ANK2: variants seen among roughly 807,000 people sequenced by gnomAD.
ANK2 encodes the protein ankyrin 2.
Under a neutral mutation model 360.5 loss-of-function variants are expected in ANK2, and 83 were observed. That is an observed-to-expected ratio of 0.23 (90% confidence interval 0.19 to 0.28). The LOEUF (loss-of-function observed/expected upper bound fraction) is 0.28, where lower values mean the gene tolerates loss of function less well. ANK2 is among the 10% of genes least tolerant of loss of function. The pLI is 1.00. For missense variants in ANK2, 4,201 were observed against 4,795.7 expected (o/e 0.88, Z 3.66); for synonymous variants, 1,740 against 1,759.5 (o/e 0.99, Z 0.28).
intron 1 of ANK2, among the ~76,000 whole-genome samples, chr4:113,146,660 C>A (rs2096847578): frequency 6.8e-6 from 1 of 146,606 alleles, no homozygotes. Flanking sequence ...AAAATGGGTA[C>A]AAAGGCTTAT....
At chr4:113,239,344 ACAAAGCCAC>A (rs2099407301) in intron 7 of ANK2, among the ~76,000 whole-genome samples, 1 of 152,150 alleles carries the variant, frequency 6.6e-6, no homozygotes, top group African/African-American at 2.4e-5. Context: ...TGTTTTTAAA[ACAAAGCCAC>A]CAAAGCCTAT....
the ANK2 span, among the ~76,000 whole-genome samples, chr4:112,719,980 A>C: frequency 6.6e-6 from 1 of 152,156 alleles, no homozygotes; most frequent in Non-Finnish European, 1.5e-5. Flanking sequence ...GTGGCAGGAT[A>C]TGAGACTGGT....
intron 1 of ANK2, among the ~76,000 whole-genome samples, chr4:113,065,837 A>C (rs1483739317): frequency 6.6e-6 from 1 of 152,182 alleles, no homozygotes; most frequent in African/African-American, 2.4e-5. Context: ...CCCAATATTT[A>C]CTAATCAATT....
chr4:113,366,562 C>T (rs1308837608), intron 41 of ANK2, among the ~76,000 whole-genome samples: 1 of 151,166 alleles, frequency 6.6e-6, no homozygotes, highest in Non-Finnish European at 1.5e-5. Context: ...CGCCTGGCCT[C>T]CTTGCCATTT....
intron 26 of ANK2, among the ~76,000 whole-genome samples, chr4:113,328,113 C>T (rs1256737375): frequency 6.6e-6 from 1 of 152,152 alleles, no homozygotes; most frequent in Non-Finnish European, 1.5e-5. Context: ...GAGGTTATAG[C>T]ACACAACATG....
the ANK2 span, chr4:112,787,944 G>C: frequency 1.6e-6 from 1 of 607,922 alleles, no homozygotes; most frequent in East Asian, 2.8e-5. Context: ...CATCCTCCAT[G>C]TATGATCATT....
chr4:113,249,933 T>A, intron 10 of ANK2, 71 bp downstream of exon 10: 1 of 1,397,350 alleles, frequency 7.2e-7, no homozygotes, highest in Non-Finnish European at 1.0e-6. Flanking sequence ...TCTATTCTTT[T>A]TTAAATTGAA....
the ANK2 span, among the ~76,000 whole-genome samples, chr4:112,799,348 G>T: frequency 5.9e-3 from 897 of 152,190 alleles, 2 homozygotes; most frequent in Middle Eastern, 0.014. Context: ...TAAATGGAAT[G>T]GCTGGATCAT....
chr4:112,768,863 G>A, the ANK2 span, among the ~76,000 whole-genome samples: 2 of 152,020 alleles, frequency 1.3e-5, no homozygotes, highest in African/African-American at 2.4e-5. Flanking sequence ...CTTTCTTTAT[G>A]TACATGACCT....
intron 1 of ANK2, among the ~76,000 whole-genome samples, chr4:112,837,723 A>T (rs1175691625): frequency 6.6e-6 from 1 of 152,202 alleles, no homozygotes; most frequent in East Asian, 1.9e-4. Context: ...TTAAGGTTTA[A>T]TGACCACCTG....
chr4:112,925,526 G>A (rs1425531662), intron 2 of ANK2, among the ~76,000 whole-genome samples: 1 of 152,066 alleles, frequency 6.6e-6, no homozygotes, highest in Non-Finnish European at 1.5e-5. Context: ...TCACTTGGTT[G>A]AAAAAAATAA....
chr4:112,832,223 CTG>C (rs2059943232), intron 1 of ANK2, among the ~76,000 whole-genome samples: 2 of 152,270 alleles, frequency 1.3e-5, no homozygotes, highest in South Asian at 4.1e-4. Flanking sequence ...AGGCTAATTT[CTG>C]TATTTTTAGT....
At chr4:113,072,902 G>A (rs1296060406) in intron 1 of ANK2, among the ~76,000 whole-genome samples, 2 of 145,888 alleles carry the variant, frequency 1.4e-5, no homozygotes, top group Admixed American at 1.4e-4. Flanking sequence ...CAATTATATT[G>A]TGCCATTAGT....
At chr4:113,256,531 C>T (rs1330058635) in intron 11 of ANK2, among the ~76,000 whole-genome samples, 9 of 152,174 alleles carry the variant, frequency 5.9e-5, no homozygotes, top group Admixed American at 4.6e-4. Flanking sequence ...AAGAGGCTGT[C>T]CCTAGAGCAG....
At position 113,145,292 on chromosome 4, in the gene ANK2, A is replaced by AAG. The variant is rs1186393912; in HGVS notation, c.85-29124_85-29123insAG. 4.9e-3 allele frequency among the ~76,000 whole-genome samples: 742 copies of AAG among 152,334 alleles called. 4 individuals carry two copies. Among genetic ancestry groups the AAG allele is most frequent in the African/African-American group, 0.017 (711 of 41,578 alleles). ...GTAACAATAATGAGAAAGAGTATAC[A>AAG]TAAACCAAGTAGTTTCCACTTGGTG... On this transcript the variant is annotated intron_variant, in intron 1 of 45. Coordinates refer to ENST00000357077, the MANE Select transcript of ANK2 (RefSeq NM_001148.6).
At chr4:113,297,542 T>C (rs1184874506) in intron 22 of ANK2, among the ~76,000 whole-genome samples, 3 of 152,122 alleles carry the variant, frequency 2.0e-5, no homozygotes, top group Admixed American at 6.5e-5. Flanking sequence ...TGTACAACTG[T>C]GTATCCACAA....
chr4:112,710,433 C>G, the ANK2 span, among the ~76,000 whole-genome samples: 3 of 152,150 alleles, frequency 2.0e-5, no homozygotes, highest in Non-Finnish European at 4.4e-5. Flanking sequence ...AGGTGGCTCA[C>G]GCCTGTAATC....
chr4:112,961,363 A>G (rs2034728815), intron 2 of ANK2, among the ~76,000 whole-genome samples: 1 of 152,156 alleles, frequency 6.6e-6, no homozygotes, highest in African/African-American at 2.4e-5. Flanking sequence ...ACAATTATTT[A>G]TTGTTTCTAT....
the ANK2 span, among the ~76,000 whole-genome samples, chr4:112,748,370 T>C: frequency 2.0e-5 from 3 of 152,180 alleles, no homozygotes; most frequent in African/African-American, 7.2e-5. Flanking sequence ...TTGTTAGACT[T>C]GAGCCTGCTA....
Sources: allele counts gnomAD v4.1 joint callset (sites outside exome capture counted in the v4.1 genomes callset), GRCh38; gene constraint gnomAD v4.1.1; transcripts MANE v1.5; gene names NCBI Gene and HGNC (gene_info 2026-07-23, HGNC 2026-07-21).